Variants in SPMAP2L observed in about 807,000 individuals in gnomAD.
SPMAP2L encodes sperm microtubule associated protein 2-like.
the SPMAP2L span, chr4:56,603,197 C>G: frequency 6.7e-7 from 1 of 1,499,200 alleles, no homozygotes; most frequent in Non-Finnish European, 8.9e-7. Flanking sequence ...ATTTCTTTTT[C>G]CCCTATTTCA....
At chr4:56,592,998 A>G in the SPMAP2L span, 1 of 1,602,496 alleles carries the variant, frequency 6.2e-7, no homozygotes, top group Non-Finnish European at 8.5e-7. Flanking sequence ...GTTTGTGAAA[A>G]TGAAATCCTT....
At chr4:56,620,649 T>C in the SPMAP2L span, among the ~76,000 whole-genome samples, 2 of 152,180 alleles carry the variant, frequency 1.3e-5, no homozygotes, top group Admixed American at 6.5e-5. Flanking sequence ...CCTCCCAAAG[T>C]GCTGGGATTA....
At chr4:56,572,012 A>G in the SPMAP2L span, among the ~76,000 whole-genome samples, 1 of 152,152 alleles carries the variant, frequency 6.6e-6, no homozygotes, top group Non-Finnish European at 1.5e-5. Flanking sequence ...ATACCTCCTG[A>G]AGGACCTGTC....
At chr4:56,556,587 T>C in the SPMAP2L span, among the ~76,000 whole-genome samples, 1 of 152,276 alleles carries the variant, frequency 6.6e-6, no homozygotes, top group African/African-American at 2.4e-5. Flanking sequence ...TCAAATAACA[T>C]TGAGGATGGG....
chr4:56,553,180 CTTTTT>C, the SPMAP2L span, among the ~76,000 whole-genome samples: 24 of 30,010 alleles, frequency 8.0e-4, no homozygotes, highest in African/African-American at 3.0e-3. Flanking sequence ...TCTCCTATTG[CTTTTT>C]TTTTTTTTTT....
chr4:56,600,538 C>T, the SPMAP2L span, among the ~76,000 whole-genome samples: 3 of 152,154 alleles, frequency 2.0e-5, no homozygotes, highest in Non-Finnish European at 4.4e-5. Context: ...ATGATCCACC[C>T]GCCTTGGCCT....
chr4:56,537,632 G>A, the SPMAP2L span, among the ~76,000 whole-genome samples: 7 of 151,878 alleles, frequency 4.6e-5, no homozygotes, highest in East Asian at 1.4e-3. Flanking sequence ...ATTAATTTCT[G>A]CTGCTAACAC....
the SPMAP2L span, among the ~76,000 whole-genome samples, chr4:56,574,871 A>G: frequency 2.6e-5 from 4 of 151,700 alleles, no homozygotes; most frequent in Non-Finnish European, 4.4e-5. Context: ...GATCCCAGCT[A>G]CTCGGGAGGC....
chr4:56,602,204 G>A, the SPMAP2L span, among the ~76,000 whole-genome samples: 14 of 152,148 alleles, frequency 9.2e-5, no homozygotes, highest in Non-Finnish European at 2.9e-5. Flanking sequence ...TACCTTGACG[G>A]ATAACATCTG....
At chr4:56,564,637 C>T in the SPMAP2L span, among the ~76,000 whole-genome samples, 7 of 152,026 alleles carry the variant, frequency 4.6e-5, no homozygotes, top group African/African-American at 1.7e-4. Context: ...TGATTTTCTC[C>T]ATTATTTTAC....
chr4:56,537,698 T>A, the SPMAP2L span, among the ~76,000 whole-genome samples: 1 of 138,808 alleles, frequency 7.2e-6, no homozygotes, highest in Non-Finnish European at 1.5e-5. Flanking sequence ...TTTTCTTTTC[T>A]TTTTTTTTTT....
the SPMAP2L span, among the ~76,000 whole-genome samples, chr4:56,547,570 C>A: frequency 1.9e-4 from 29 of 152,206 alleles, no homozygotes; most frequent in South Asian, 3.1e-3. Context: ...TTTACACAGA[C>A]CTATTAATCC....
chr4:56,563,523 T>C, the SPMAP2L span, among the ~76,000 whole-genome samples: 7 of 152,110 alleles, frequency 4.6e-5, no homozygotes, highest in African/African-American at 1.7e-4. Flanking sequence ...GGGAAGGAGA[T>C]GGATACAGGC....
At chr4:56,531,992 C>G in the SPMAP2L span, among the ~76,000 whole-genome samples, 7 of 152,312 alleles carry the variant, frequency 4.6e-5, no homozygotes, top group African/African-American at 1.7e-4. Context: ...AACCTCAACC[C>G]TGATTAAACC....
the SPMAP2L span, among the ~76,000 whole-genome samples, chr4:56,557,404 T>C: frequency 6.6e-6 from 1 of 152,190 alleles, no homozygotes; most frequent in Non-Finnish European, 1.5e-5. Context: ...TGAGGAAACA[T>C]TCAAAGAATT....
the SPMAP2L span, among the ~76,000 whole-genome samples, chr4:56,608,132 A>AG: frequency 6.6e-6 from 1 of 152,194 alleles, no homozygotes; most frequent in Non-Finnish European, 1.5e-5. Flanking sequence ...AAGAAAAAAA[A>AG]GAACCTTGGT....
chr4:56,617,413 G>T, the SPMAP2L span, among the ~76,000 whole-genome samples: 1 of 152,114 alleles, frequency 6.6e-6, no homozygotes, highest in South Asian at 2.1e-4. Context: ...ACCTATTGTT[G>T]TGGGGTGGCA....
chr4:56,534,412 C>T, the SPMAP2L span, among the ~76,000 whole-genome samples: 1 of 152,184 alleles, frequency 6.6e-6, no homozygotes, highest in Admixed American at 6.5e-5. Context: ...CTGAATCCTC[C>T]TCTTCCCAGC....
chr4:56,592,645 G>C, the SPMAP2L span, among the ~76,000 whole-genome samples: 2 of 152,140 alleles, frequency 1.3e-5, no homozygotes, highest in Non-Finnish European at 2.9e-5. Context: ...GGCAGGGGAC[G>C]GTGGCCGCGG....
Sources: allele counts gnomAD v4.1 joint callset (sites outside exome capture counted in the v4.1 genomes callset), GRCh38; gene constraint gnomAD v4.1.1; transcripts MANE v1.5; gene names NCBI Gene and HGNC (gene_info 2026-07-23, HGNC 2026-07-21).